CHCHD3: variants seen among roughly 807,000 people sequenced by gnomAD.
CHCHD3 encodes the protein MICOS complex subunit MIC19.
CHCHD3 carries 20 observed loss-of-function variants against 38.2 expected under a neutral mutation model. The ratio of observed to expected loss-of-function variants is 0.52; its 90% CI spans 0.37 to 0.76. The LOEUF (loss-of-function observed/expected upper bound fraction) is 0.76, where lower values mean the gene tolerates loss of function less well. CHCHD3 is among the 30% of genes least tolerant of loss of function. The pLI is 0.00. For synonymous variants in CHCHD3, 82 were observed against 100.0 expected, an observed-to-expected ratio of 0.82 and a Z score of 1.07; for missense variants, 245 against 279.2, an observed-to-expected ratio of 0.88 and a Z score of 0.87.
At chr7:133,069,085 G>A (rs1167899506) in intron 2 of CHCHD3, among the ~76,000 whole-genome samples, 2 of 152,086 alleles carry the variant, frequency 1.3e-5, no homozygotes, top group East Asian at 1.9e-4. Context: ...CAAGTAGGGT[G>A]AAAGGAAAAC....
intron 4 of CHCHD3, among the ~76,000 whole-genome samples, chr7:132,945,631 G>T (rs1022548497): frequency 1.3e-5 from 2 of 151,814 alleles, no homozygotes; most frequent in Non-Finnish European, 2.9e-5. Context: ...ACATTACTAC[G>T]AGTTAGTGGT....
chr7:132,930,903 C>T (rs1810497333), intron 4 of CHCHD3, among the ~76,000 whole-genome samples: 3 of 152,200 alleles, frequency 2.0e-5, no homozygotes, highest in Admixed American at 6.6e-5. Context: ...TCATTCACCC[C>T]TATGGCCCAG....
chr7:132,905,519 A>T (rs550706802), intron 4 of CHCHD3, among the ~76,000 whole-genome samples: 1 of 152,206 alleles, frequency 6.6e-6, no homozygotes, highest in Admixed American at 6.5e-5. Context: ...AGGTGATGGG[A>T]TGACCTGTGC....
chr7:132,985,786 G>T (rs1274081924), intron 3 of CHCHD3, among the ~76,000 whole-genome samples: 2 of 98,406 alleles, frequency 2.0e-5, no homozygotes, highest in East Asian at 3.7e-4. Context: ...AGGCGGGGGG[G>T]TCAGCCCCCC....
At chr7:132,882,813 C>T (rs1327010324) in intron 5 of CHCHD3, among the ~76,000 whole-genome samples, 2 of 152,030 alleles carry the variant, frequency 1.3e-5, no homozygotes, top group African/African-American at 4.8e-5. Context: ...CCAAGTATAT[C>T]ACCTCAAAAA....
chr7:132,977,621 C>T (rs534397353), intron 3 of CHCHD3, among the ~76,000 whole-genome samples: 12 of 152,192 alleles, frequency 7.9e-5, no homozygotes, highest in Non-Finnish European at 1.8e-4. Flanking sequence ...GGATCAACTA[C>T]TAAGCACTGT....
At chr7:132,818,113 C>T (rs1471465060) in intron 6 of CHCHD3, among the ~76,000 whole-genome samples, 2 of 152,092 alleles carry the variant, frequency 1.3e-5, no homozygotes, top group East Asian at 1.9e-4. Context: ...ACAATTGCAC[C>T]GAATAACGCT....
intron 6 of CHCHD3, among the ~76,000 whole-genome samples, chr7:132,820,492 G>C (rs903504369): frequency 6.6e-6 from 1 of 152,028 alleles, no homozygotes; most frequent in African/African-American, 2.4e-5. Flanking sequence ...ACTCTCTATA[G>C]GAATTTATCT....
chr7:132,863,872 T>G (rs1447328631), intron 5 of CHCHD3, among the ~76,000 whole-genome samples: 1 of 152,230 alleles, frequency 6.6e-6, no homozygotes, highest in African/African-American at 2.4e-5. Flanking sequence ...CCTTGCCTCT[T>G]TCAGCCTTCG....
At chr7:132,996,809 G>C (rs1049997813) in intron 3 of CHCHD3, among the ~76,000 whole-genome samples, 1 of 152,190 alleles carries the variant, frequency 6.6e-6, no homozygotes, top group South Asian at 2.1e-4. Flanking sequence ...AGCCTTTCAA[G>C]AAGAAAAACA....
At chr7:133,077,881 A>G (rs1436382213) in intron 1 of CHCHD3, among the ~76,000 whole-genome samples, 2 of 70,090 alleles carry the variant, frequency 2.9e-5, no homozygotes, top group Non-Finnish European at 5.3e-5. Flanking sequence ...GCTAAGGATA[A>G]AGGGAAAAAA....
chr7:132,935,700 A>G (rs1810617666), intron 4 of CHCHD3, among the ~76,000 whole-genome samples: 1 of 152,210 alleles, frequency 6.6e-6, no homozygotes, highest in African/African-American at 2.4e-5. Context: ...CTCTAGACAA[A>G]TCACTTCACT....
At chr7:132,972,608 T>TA in intron 4 of CHCHD3, 2 of 985,396 alleles carry the variant, frequency 2.0e-6, no homozygotes, top group Non-Finnish European at 2.4e-6. Context: ...AACTGCCCAA[T>TA]AACTAAATGT....
intron 4 of CHCHD3, among the ~76,000 whole-genome samples, chr7:132,943,344 A>G (rs1429449597): frequency 6.6e-6 from 1 of 152,194 alleles, no homozygotes; most frequent in Non-Finnish European, 1.5e-5. Context: ...TAAATATACA[A>G]TAAATAATAA....
At chr7:132,798,454 AC>A (rs1806678356) in intron 6 of CHCHD3, among the ~76,000 whole-genome samples, 1 of 152,200 alleles carries the variant, frequency 6.6e-6, no homozygotes, top group Admixed American at 6.5e-5. Context: ...AGGCACAGAT[AC>A]CACTAAGTGA....
In CHCHD3 at chr7:132,881,063, T is replaced by C. The variant is rs911853884; in HGVS notation, c.453+4599A>G. On this transcript the variant is annotated intron_variant, in intron 5 of 7. Coordinates refer to ENST00000262570, the MANE Select transcript of CHCHD3 (RefSeq NM_017812.4). ...GATGCCATTGATAACTTAGCAACAT[T>C]TGAGTATGAAATAAGGACTTAAAAA... 3.3e-5 allele frequency among the ~76,000 whole-genome samples: 5 copies of C among 152,184 alleles called. No homozygotes were observed. The East Asian group carries it at 9.6e-4, about 29-fold the overall frequency.
intron 2 of CHCHD3, among the ~76,000 whole-genome samples, chr7:133,068,074 C>T (rs1814723297): frequency 1.3e-5 from 2 of 151,902 alleles, no homozygotes; most frequent in African/African-American, 4.8e-5. Flanking sequence ...CAAGATCACG[C>T]CACTGCACTC....
intron 6 of CHCHD3, among the ~76,000 whole-genome samples, chr7:132,819,905 A>G (rs1807300951): frequency 6.6e-6 from 1 of 152,190 alleles, no homozygotes; most frequent in African/African-American, 2.4e-5. Flanking sequence ...TAGTGAATGA[A>G]CACTGAAGTG....
intron 3 of CHCHD3, among the ~76,000 whole-genome samples, chr7:133,019,184 CATG>C (rs973734685): frequency 6.6e-6 from 1 of 152,058 alleles, no homozygotes; most frequent in African/African-American, 2.4e-5. Flanking sequence ...GGCCCAGCCA[CATG>C]ATTTCTTGTA....
Sources: allele counts gnomAD v4.1 joint callset (sites outside exome capture counted in the v4.1 genomes callset), GRCh38; gene constraint gnomAD v4.1.1; transcripts MANE v1.5; gene names NCBI Gene and HGNC (gene_info 2026-07-23, HGNC 2026-07-21).